ROS1: variants seen among roughly 807,000 people sequenced by gnomAD.
ROS1 encodes the protein ROS proto-oncogene 1, receptor tyrosine kinase, also known as proto-oncogene tyrosine-protein kinase ROS.
A neutral mutation model predicts 273.5 loss-of-function variants in ROS1; 263 were observed. The observed-to-expected ratio is 0.96, with a 90% CI of 0.87 to 1.06. The LOEUF (loss-of-function observed/expected upper bound fraction) is 1.06. Ranked by LOEUF, ROS1 falls within the 50% of genes least tolerant of loss-of-function variation. The probability of loss-of-function intolerance (pLI) is 0.00; values close to 1 mark genes in which losing one functional copy is unlikely to be tolerated. For missense variants in ROS1, 2,833 were observed against 2,751.1 expected, an observed-to-expected ratio of 1.03 and a Z score of -0.67; for synonymous variants, 1,008 against 954.1, an observed-to-expected ratio of 1.06 and a Z score of -1.04.
At chr6:117,388,078 CT>C in intron 13 of ROS1, 86 bp from the exon 14 acceptor site, 1 of 1,587,962 alleles carries the variant, frequency 6.3e-7, no homozygotes, top group South Asian at 1.2e-5. Flanking sequence ...CACCTACAGC[CT>C]CATCTCAAAT....
At position 117,287,985 on chromosome 6, in the gene ROS1, T is replaced by C. The variant is rs2128520029; in HGVS notation, c.*507A>G. ...ATTGCAGTAACAGCTTTCCAAGTGA[T>C]TTCTCAAGTCACAGGTGCTGGTTTC... On this transcript the variant is annotated 3_prime_UTR_variant, in exon 44 of 44. Transcript: ENST00000368507. 6.6e-6 allele frequency among the ~76,000 whole-genome samples: 1 copy of C among 152,188 alleles called. No homozygotes were observed. Among genetic ancestry groups the C allele is most frequent in the East Asian group, 1.9e-4 (1 of 5,176 alleles).
At chr6:117,325,491 G>C (rs1776569421) in intron 34 of ROS1, among the ~76,000 whole-genome samples, 1 of 152,160 alleles carries the variant, frequency 6.6e-6, no homozygotes, top group South Asian at 2.1e-4. Context: ...ATGCCACAAA[G>C]AAGTTTGTAG....
chr6:117,388,777 A>AT (rs1174254502), intron 13 of ROS1, among the ~76,000 whole-genome samples: 2 of 152,170 alleles, frequency 1.3e-5, no homozygotes, highest in Non-Finnish European at 2.9e-5. Context: ...ATGTGTTTTA[A>AT]TTTTATCTGT....
At chr6:117,404,652 A>G (rs771279575) in intron 5 of ROS1, among the ~76,000 whole-genome samples, 1 of 152,196 alleles carries the variant, frequency 6.6e-6, no homozygotes, top group African/African-American at 2.4e-5. Context: ...ATCTTTGAAC[A>G]CAGTATTTTT....
At chr6:117,351,238 C>T (rs1778836942) in intron 27 of ROS1, among the ~76,000 whole-genome samples, 1 of 152,120 alleles carries the variant, frequency 6.6e-6, no homozygotes, top group Admixed American at 6.6e-5. Context: ...TCAGTCCCCC[C>T]ACCCCACTTA....
In ROS1 at chr6:117,365,139, T is replaced by C. The variant is rs766943523; in HGVS notation, c.3024A>G (p.Leu1008=). The C allele has an allele frequency of 1.2e-6, 2 of 1,613,350 alleles. No individual in the cohort carries two copies. The highest frequency in any genetic ancestry group is 1.7e-6 in the Non-Finnish European group (2 of 1,179,338). ...FTVEGLEPYA[L]FNLSVTPYTY... is the part of the protein sequence containing the mutation. ...TATAAGGAGTGACAGAAAGATTAAA[T>C]AAGGCATAAGGTTCCAGTCCTTCCA... The change falls in exon 21 of 44, where the codon TTA becomes TTG. Residue 1008 remains leucine (L), a synonymous_variant. Coordinates refer to ENST00000368507, the MANE Select transcript of ROS1 (RefSeq NM_001378902.1).
In ROS1 at chr6:117,341,405, A is replaced by T; in HGVS notation, c.4879T>A (p.Leu1627Ile). Reference protein sequence around the residue: ...TRLSGGNIYVLKVLACHSEEM... With the variant: ...TRLSGGNIYVIKVLACHSEEM... ...GCCTAGTAAACTCACTGTACCTTTA[A>T]CACATAAATATTTCCACCAGACAGT... Residue 1627 changes from leucine to isoleucine, a missense_variant, in exon 30 of 44, where the codon TTA (leucine) becomes ATA (isoleucine). Physicochemically the swap from Leu to Ile is conservative, Grantham distance 5 (BLOSUM62 2). Coordinates refer to ENST00000368507, the MANE Select transcript of ROS1 (RefSeq NM_001378902.1). The T allele has an allele frequency of 6.2e-7, 1 of 1,613,126 alleles. No homozygotes were observed.
chr6:117,335,176 G>A (rs9481702), intron 32 of ROS1, among the ~76,000 whole-genome samples: 24,582 of 152,072 alleles, frequency 0.16, 2,087 homozygotes, highest in East Asian at 0.23. Context: ...CAAAAAGTGG[G>A]CAAAAGATAT....
At chr6:117,376,403 C>T (rs1756921402) in intron 18 of ROS1, among the ~76,000 whole-genome samples, 1 of 152,060 alleles carries the variant, frequency 6.6e-6, no homozygotes, top group South Asian at 2.1e-4. Flanking sequence ...GATGAATTAG[C>T]TTGTGGACTT....
chr6:117,346,796 G>A (rs980703849), intron 27 of ROS1, among the ~76,000 whole-genome samples: 2 of 151,954 alleles, frequency 1.3e-5, no homozygotes, highest in African/African-American at 4.8e-5. Context: ...GTTTTGTATT[G>A]TACATTTTAC....
In ROS1 at chr6:117,416,260, A is replaced by G. The variant is rs755740564; in HGVS notation, c.226T>C (p.Cys76Arg). 2 of 1,563,706 alleles carry G rather than the reference A, an allele frequency of 1.3e-6. No individual in the cohort carries two copies. The highest frequency in any genetic ancestry group is 4.5e-5 in the East Asian group (2 of 44,652). ...SVDQKNCALKCNDTYATVCER... is the reference protein window; with the variant it reads ...SVDQKNCALKRNDTYATVCER... ...ATAGAAATCTAATTAATACTTACACACTTTAAAGCACAGTTTTTCTGATCT... is the reference window on the plus strand; with the variant it reads ...ATAGAAATCTAATTAATACTTACACGCTTTAAAGCACAGTTTTTCTGATCT... Residue 76 changes from cysteine to arginine, a missense_variant and splice_region_variant, in exon 3 of 44, where the codon TGT becomes CGT. Transcript: ENST00000368507.
intron 28 of ROS1, 75 bp downstream of exon 28, chr6:117,343,985 T>G (rs545955305): frequency 7.7e-7 from 1 of 1,292,812 alleles, no homozygotes; most frequent in African/African-American, 1.5e-5. Flanking sequence ...TAGGAAATAC[T>G]TTACTATGGC....
chr6:117,357,738 G>C (rs540480437), intron 25 of ROS1, 66 bp downstream of exon 25: 1 of 1,105,992 alleles, frequency 9.0e-7, no homozygotes, highest in African/African-American at 1.6e-5. Flanking sequence ...TTAAACCAAA[G>C]ACATTACATT....
In ROS1 at chr6:117,326,256, C is replaced by T. The variant is rs1229224998; in HGVS notation, c.5507G>A (p.Ser1836Asn). Reference protein sequence around the residue: ...AANNLGFGEYSGISENIILVG... With the variant: ...AANNLGFGEYNGISENIILVG... ...TAATATAATATTCTCACTGATTCCA[C>T]TATATTCACCAAACCCTAGATTATT... Residue 1836 changes from serine to asparagine, a missense_variant, in exon 34 of 44, where the codon AGT becomes AAT. Transcript: ENST00000368507. The T allele has an allele frequency of 6.2e-7, 1 of 1,600,936 alleles. No homozygotes were observed. The highest frequency in any genetic ancestry group is 8.5e-7 in the Non-Finnish European group (1 of 1,175,814).
intron 27 of ROS1, among the ~76,000 whole-genome samples, chr6:117,351,337 G>C (rs189365185): frequency 1.5e-3 from 226 of 152,240 alleles, no homozygotes; most frequent in Non-Finnish European, 2.6e-3. Flanking sequence ...AGCAGGTCCA[G>C]CTGTGATTAG....
chr6:117,424,729 C>T (rs1185865607), intron 1 of ROS1, among the ~76,000 whole-genome samples: 1 of 151,932 alleles, frequency 6.6e-6, no homozygotes, highest in Non-Finnish European at 1.5e-5. Flanking sequence ...TTTAATCTGC[C>T]ACATAATTCT....
rs562023556 is a variant in ROS1 at position 117,387,502 on chromosome 6, C to A, written c.1999+278G>T. ...TTAATATACCATAAGAAAGAAGAAA[C>A]CCGTAAAGAATCAATTATAGTGTTT... On this transcript the variant is annotated intron_variant, in intron 14 of 43. Transcript: ENST00000368507. Among the ~76,000 whole-genome samples the A allele has an allele frequency of 1.7e-3, 265 of 152,212 alleles. 1 individual carries two copies. Among genetic ancestry groups the A allele is most frequent in the African/African-American group, 5.9e-3 (246 of 41,538 alleles).
At chr6:117,401,790 AC>A (rs1773954161) in intron 7 of ROS1, among the ~76,000 whole-genome samples, 1 of 149,644 alleles carries the variant, frequency 6.7e-6, no homozygotes, top group Non-Finnish European at 1.5e-5. Context: ...ACAAAAAATA[AC>A]AAACTTTTCA....
rs181173283 is a variant in ROS1, at chr6:117,329,208, T to G, written c.5348+121A>C. The G allele has an allele frequency of 1.1e-4, 69 of 641,286 alleles. No homozygotes were observed. The African/African-American group carries it at 1.1e-3, about 10-fold the overall frequency. 39.7% of individuals were successfully genotyped at this position (641,286 alleles called of 1,614,324 possible). On this transcript the variant is annotated intron_variant, in intron 33 of 43. Transcript: ENST00000368507. ...GAACGTAATGATGCATGTGAGTCCT[T>G]TAACTAAAGATCTTTGTGTTTGTAT...
Sources: allele counts gnomAD v4.1 joint callset (sites outside exome capture counted in the v4.1 genomes callset), GRCh38; gene constraint gnomAD v4.1.1; transcripts MANE v1.5; gene names NCBI Gene and HGNC (gene_info 2026-07-23, HGNC 2026-07-21).